Variants in SEC14L5 observed in about 807,000 individuals in gnomAD.
SEC14L5 encodes SEC14 like lipid binding 5.
A neutral mutation model predicts 84.6 loss-of-function variants in SEC14L5; 96 were observed. The ratio of observed to expected loss-of-function variants is 1.13; its 90% CI spans 0.96 to 1.34. The LOEUF (loss-of-function observed/expected upper bound fraction) is 1.34. Among genes scored for constraint, SEC14L5 ranks in the 40% most tolerant of loss-of-function variants. SEC14L5 has a pLI of 0.00. For synonymous variants in SEC14L5, 546 were observed against 383.4 expected, an observed-to-expected ratio of 1.42 and a Z score of -4.95; for missense variants, 1,224 against 942.5, an observed-to-expected ratio of 1.30 and a Z score of -3.91.
At chr16:4,973,980 G>A (rs1425989040) in intron 2 of SEC14L5, among the ~76,000 whole-genome samples, 1 of 152,004 alleles carries the variant, frequency 6.6e-6, no homozygotes, top group Non-Finnish European at 1.5e-5. Flanking sequence ...CACCTCACCA[G>A]GCCTTATATG....
At chr16:5,007,736 G>A (rs1049277701) in intron 13 of SEC14L5, among the ~76,000 whole-genome samples, 1 of 151,092 alleles carries the variant, frequency 6.6e-6, no homozygotes, top group East Asian at 1.9e-4. Flanking sequence ...CTCCCGAGTA[G>A]CTGGGATTAT....
chr16:4,980,637 G>A (rs1461456521), intron 2 of SEC14L5, among the ~76,000 whole-genome samples: 1 of 152,182 alleles, frequency 6.6e-6, no homozygotes, highest in Non-Finnish European at 1.5e-5. Flanking sequence ...GTATGAGGTT[G>A]TGCTTTGGAA....
chr16:4,978,771 CTT>C (rs35715065), intron 2 of SEC14L5, among the ~76,000 whole-genome samples: 19,957 of 151,832 alleles, frequency 0.13, 1,911 homozygotes, highest in East Asian at 0.5. Context: ...CTCGGCTAAT[CTT>C]TTGTATTTTT....
rs1955076540 is a variant in SEC14L5, at chr16:4,958,374, AGCTGTCCTG to A, written c.-120_-112del. ...CGCTCCCGCCCCTCCGGCCTTCCAC[AGCTGTCCTG>A]GCCGCAGGGTGTTCAAGGCGGGACA... On this transcript the variant is annotated 5_prime_UTR_variant, in exon 1 of 16. Coordinates refer to ENST00000251170, the MANE Select transcript of SEC14L5 (RefSeq NM_014692.2). 6.6e-6 allele frequency: 1 copy of A among 152,594 alleles called. No homozygotes were observed. The highest frequency in any genetic ancestry group is 1.9e-4 in the East Asian group (1 of 5,174). The allele number at this position is 152,594 out of a possible 1,614,324, so 9.5% of individuals were successfully genotyped here.
At chr16:4,961,962 TG>T (rs889594742) in intron 2 of SEC14L5, among the ~76,000 whole-genome samples, 7 of 151,932 alleles carry the variant, frequency 4.6e-5, no homozygotes, top group Non-Finnish European at 7.4e-5. Context: ...TTGGTAGGAC[TG>T]GGCCCTGTGC....
chr16:5,004,697 C>T lies in SEC14L5; in HGVS notation c.1302+1124C>T, dbSNP rs139177622. 4.6e-5 allele frequency among the ~76,000 whole-genome samples: 7 copies of T among 152,300 alleles called. No individual in the cohort carries two copies. The East Asian group carries it at 1.4e-3, about 29-fold the overall frequency. ...CCCTGCACGGGGGGATTGCAGTTTCCTCACCTATCTCTTGGCTTGTGGCAT... is the reference window on the plus strand; with the variant it reads ...CCCTGCACGGGGGGATTGCAGTTTCTTCACCTATCTCTTGGCTTGTGGCAT... On this transcript the variant is annotated intron_variant, in intron 11 of 15. Coordinates refer to ENST00000251170, the MANE Select transcript of SEC14L5 (RefSeq NM_014692.2).
chr16:4,982,757 C>T (rs531819687), intron 2 of SEC14L5, among the ~76,000 whole-genome samples: 5 of 152,294 alleles, frequency 3.3e-5, no homozygotes, highest in South Asian at 4.1e-4. Context: ...GTTCTCAGGA[C>T]GACTGTGTGC....
chr16:4,995,519 C>G (rs1955599339), intron 6 of SEC14L5, among the ~76,000 whole-genome samples: 1 of 152,096 alleles, frequency 6.6e-6, no homozygotes, highest in African/African-American at 2.4e-5. Flanking sequence ...GCAAAGAGAA[C>G]TGGTGTTTAT....
chr16:5,005,096 A>C (rs1955716042), intron 11 of SEC14L5, among the ~76,000 whole-genome samples: 1 of 152,124 alleles, frequency 6.6e-6, no homozygotes, highest in South Asian at 2.1e-4. Flanking sequence ...GGATCACCTG[A>C]GGTCAGGAGT....
chr16:5,009,966 A>G (rs982011874), intron 14 of SEC14L5, among the ~76,000 whole-genome samples: 3 of 151,816 alleles, frequency 2.0e-5, no homozygotes, highest in African/African-American at 7.3e-5. Context: ...GTTAGTTTGG[A>G]TAGAAGGGGA....
chr16:5,009,324 G>A (rs1464119426), intron 14 of SEC14L5, among the ~76,000 whole-genome samples: 1 of 150,638 alleles, frequency 6.6e-6, no homozygotes, highest in South Asian at 2.1e-4. Flanking sequence ...GTTTTTTTTT[G>A]AGACAGGGTC....
chr16:4,987,792 C>A, intron 3 of SEC14L5, 86 bp downstream of exon 3: 1 of 1,055,066 alleles, frequency 9.5e-7, no homozygotes, highest in Non-Finnish European at 1.3e-6. Flanking sequence ...GGGACCAGGG[C>A]GGCGGGGTCC....
chr16:5,011,268 C>T lies in SEC14L5; in HGVS notation c.1974C>T (p.Asp658=). The change falls in exon 15 of 16, where the codon GAC becomes GAT. Residue 658 remains aspartate (D), a synonymous_variant. Coordinates refer to ENST00000251170, the MANE Select transcript of SEC14L5 (RefSeq NM_014692.2). ...LYYCEVLASE[D]FRGSMSSLES... ...ACTGTGAGGTGCTCGCCTCTGAGGACTTCAGGTAGGAGGGCTCCGGAGCGG... is the reference window on the plus strand; with the variant it reads ...ACTGTGAGGTGCTCGCCTCTGAGGATTTCAGGTAGGAGGGCTCCGGAGCGG... 1 of 1,612,462 alleles carries T rather than the reference C, an allele frequency of 6.2e-7. No homozygotes were observed. Among genetic ancestry groups the T allele is most frequent in the Middle Eastern group, 1.7e-4 (1 of 6,052 alleles).
intron 2 of SEC14L5, among the ~76,000 whole-genome samples, chr16:4,961,655 A>G (rs1031642439): frequency 6.6e-6 from 1 of 152,164 alleles, no homozygotes; most frequent in Admixed American, 6.5e-5. Context: ...TAAGTGCTAT[A>G]TTCATGGGCA....
In SEC14L5 at chr16:4,989,295, C is replaced by T. The variant is rs543928514; in HGVS notation, c.345+1015C>T. Among the ~76,000 whole-genome samples the T allele has an allele frequency of 3.3e-4, 46 of 139,246 alleles. No individual in the cohort carries two copies. The East Asian group carries it at 9.1e-3, about 28-fold the overall frequency. 91.4% of individuals were successfully genotyped at this position (139,246 alleles called of 152,430 possible). On this transcript the variant is annotated intron_variant, in intron 4 of 15. Coordinates refer to ENST00000251170, the MANE Select transcript of SEC14L5 (RefSeq NM_014692.2). Reference sequence around the variant, plus strand: ...AGGATAGCAATGGTAGACCATTGTACGTGTTTTTTTTTTTGTTTGTTTGTT... The same window carrying T: ...AGGATAGCAATGGTAGACCATTGTATGTGTTTTTTTTTTTGTTTGTTTGTT...
intron 2 of SEC14L5, among the ~76,000 whole-genome samples, chr16:4,976,830 C>G (rs1460423282): frequency 6.6e-6 from 1 of 152,194 alleles, no homozygotes; most frequent in East Asian, 1.9e-4. Flanking sequence ...CCTGAGAGCA[C>G]CAAACCATGT....
chr16:4,988,109 C>T, intron 3 of SEC14L5, 40 bp from the exon 4 acceptor site: 1 of 1,608,704 alleles, frequency 6.2e-7, no homozygotes, highest in Non-Finnish European at 8.5e-7. Context: ...GTGCTCCACG[C>T]CGCCCACCCA....
chr16:5,015,009 T>G lies in SEC14L5; in HGVS notation c.*39T>G, dbSNP rs780383117. 1 of 1,429,178 alleles carries G rather than the reference T, an allele frequency of 7.0e-7. No homozygotes were observed. The highest frequency in any genetic ancestry group is 1.2e-5 in the South Asian group (1 of 86,936). The allele number at this position is 1,429,178 out of a possible 1,614,324, so 88.5% of individuals were successfully genotyped here. A position where few individuals can be genotyped will look rare whatever the true frequency, so the allele number is the denominator to read the frequency against. ...TTCAGGGCCGCCCGCTCGCCTCCAG[T>G]GTCCAGAAATGTCCAGAATGAGAAG... is the stretch of plus-strand genomic sequence containing the variant. On this transcript the variant is annotated 3_prime_UTR_variant, in exon 16 of 16. Transcript: ENST00000251170.
intron 10 of SEC14L5, among the ~76,000 whole-genome samples, chr16:5,001,311 T>G (rs968537964): frequency 1.3e-4 from 19 of 148,456 alleles, no homozygotes. Flanking sequence ...CAGGCTGGAG[T>G]GCAGCGGTGC....
Sources: allele counts gnomAD v4.1 joint callset (sites outside exome capture counted in the v4.1 genomes callset), GRCh38; gene constraint gnomAD v4.1.1; transcripts MANE v1.5; gene names NCBI Gene and HGNC (gene_info 2026-07-23, HGNC 2026-07-21).